KYNU: variants seen among roughly 807,000 people sequenced by gnomAD.
The protein encoded by KYNU is kynureninase, also known as L-kynurenine hydrolase.
KYNU carries 54 observed loss-of-function variants against 59.2 expected under a neutral mutation model. The ratio of observed to expected loss-of-function variants is 0.91; its 90% CI spans 0.73 to 1.14. The LOEUF is 1.14. Ranked by LOEUF, KYNU falls within the 50% of genes most tolerant of loss-of-function variation. KYNU has a pLI of 0.00. For synonymous variants in KYNU, 177 were observed against 192.0 expected, an observed-to-expected ratio of 0.92 and a Z score of 0.65; for missense variants, 567 against 554.4, an observed-to-expected ratio of 1.02 and a Z score of -0.23.
At chr2:142,958,737 G>A (rs1684246743) in intron 7 of KYNU, among the ~76,000 whole-genome samples, 1 of 152,138 alleles carries the variant, frequency 6.6e-6, no homozygotes, top group African/African-American at 2.4e-5. Context: ...GACCACTGTT[G>A]AGCATTACCT....
intron 8 of KYNU, among the ~76,000 whole-genome samples, chr2:142,970,068 T>C (rs765772610): frequency 2.7e-4 from 41 of 152,284 alleles, no homozygotes; most frequent in African/African-American, 9.4e-4. Flanking sequence ...AAAATGGAAT[T>C]CCAAAAGATC....
At chr2:142,900,755 G>C (rs1369980447) in intron 2 of KYNU, among the ~76,000 whole-genome samples, 2 of 152,160 alleles carry the variant, frequency 1.3e-5, no homozygotes, top group African/African-American at 4.8e-5. Context: ...ACTGCTTCCT[G>C]CTGAATTGGG....
In KYNU at chr2:143,040,458, C is replaced by G; in HGVS notation, c.1072C>G (p.Arg358Gly). Residue 358 changes from arginine to glycine, a missense_variant, in exon 13 of 14, where the codon CGG becomes GGG. Physicochemically the swap from Arg to Gly is moderately radical, Grantham distance 125. Transcript: ENST00000264170. ...TAAGCAAGCGACAATGAAGGCATTG[C>G]GGAAAAAATCTGTTTTGCTAACTGG... ...IFKQATMKAL[R>G]KKSVLLTGYL... is the part of the protein sequence containing the mutation. The G allele has an allele frequency of 6.2e-7, 1 of 1,612,640 alleles. No homozygotes were observed. The highest frequency in any genetic ancestry group is 8.5e-7 in the Non-Finnish European group (1 of 1,179,058).
chr2:142,933,279 G>T (rs1268310958), intron 4 of KYNU, among the ~76,000 whole-genome samples: 1 of 152,152 alleles, frequency 6.6e-6, no homozygotes, highest in African/African-American at 2.4e-5. Flanking sequence ...ACTCTATGCT[G>T]TTGGTCAGTA....
intron 10 of KYNU, among the ~76,000 whole-genome samples, chr2:143,007,112 C>G (rs1191862862): frequency 6.6e-6 from 1 of 151,948 alleles, no homozygotes; most frequent in African/African-American, 2.4e-5. Flanking sequence ...TTACTCTGAG[C>G]TATGGGAGGA....
intron 4 of KYNU, among the ~76,000 whole-genome samples, chr2:142,945,718 A>T (rs1199890463): frequency 1.3e-5 from 2 of 151,200 alleles, no homozygotes; most frequent in African/African-American, 4.9e-5. Flanking sequence ...CAATATCCTC[A>T]CAAAATGCTT....
At chr2:142,925,341 C>A (rs919667183) in intron 3 of KYNU, among the ~76,000 whole-genome samples, 10 of 152,066 alleles carry the variant, frequency 6.6e-5, no homozygotes, top group African/African-American at 2.2e-4. Flanking sequence ...TTCTTAGCAG[C>A]CTATGTTTAT....
chr2:142,976,145 G>T (rs1684872927), intron 8 of KYNU, among the ~76,000 whole-genome samples: 1 of 152,186 alleles, frequency 6.6e-6, no homozygotes, highest in African/African-American at 2.4e-5. Flanking sequence ...GAGAGGCAAG[G>T]GGTGGAGGGA....
intron 10 of KYNU, among the ~76,000 whole-genome samples, chr2:142,991,944 C>G (rs773094623): frequency 1.3e-5 from 2 of 151,922 alleles, no homozygotes; most frequent in Middle Eastern, 3.2e-3. Context: ...CTAATAAACT[C>G]CCTGCTTGTA....
At chr2:142,936,382 T>C (rs894016404) in intron 4 of KYNU, among the ~76,000 whole-genome samples, 3 of 152,164 alleles carry the variant, frequency 2.0e-5, no homozygotes, top group Non-Finnish European at 4.4e-5. Flanking sequence ...AGGGTGGATA[T>C]CTTGTCTGAG....
chr2:143,029,463 G>A (rs1282806892), intron 10 of KYNU, among the ~76,000 whole-genome samples, 164 bp from the exon 11 acceptor site: 1 of 152,132 alleles, frequency 6.6e-6, no homozygotes, highest in African/African-American at 2.4e-5. Context: ...GTGCATGCTT[G>A]TAGTCTCAGC....
intron 2 of KYNU, among the ~76,000 whole-genome samples, chr2:142,894,693 T>A (rs1681812796): frequency 6.6e-6 from 1 of 152,226 alleles, no homozygotes; most frequent in Non-Finnish European, 1.5e-5. Context: ...ATATGTTTAA[T>A]AGAAAATAGG....
chr2:143,022,666 T>C (rs1487382910), intron 10 of KYNU, among the ~76,000 whole-genome samples: 1 of 151,976 alleles, frequency 6.6e-6, no homozygotes, highest in East Asian at 1.9e-4. Flanking sequence ...GATGTTTAAG[T>C]CTTTTCTCTA....
chr2:143,043,255 T>A lies in KYNU; in HGVS notation c.*1083T>A, dbSNP rs1687105102. 1 of 152,028 alleles carries A rather than the reference T, an allele frequency of 6.6e-6. No individual in the cohort carries two copies. Among genetic ancestry groups the A allele is most frequent in the South Asian group, 2.1e-4 (1 of 4,828 alleles). The allele number at this position is 152,028 out of a possible 1,614,324, so 9.4% of individuals were successfully genotyped here. On this transcript the variant is annotated 3_prime_UTR_variant, in exon 14 of 14. Transcript: ENST00000264170. ...GAAATATGTGCTCCATCTCTTGACA[T>A]CTTTATCTCAAATCTATGGACCTTT... is the stretch of plus-strand genomic sequence containing the variant.
chr2:142,954,891 A>G lies in KYNU; in HGVS notation c.435+20A>G. The G allele has an allele frequency of 7.0e-7, 1 of 1,431,812 alleles. No individual in the cohort carries two copies. Among genetic ancestry groups the G allele is most frequent in the Non-Finnish European group, 9.9e-7 (1 of 1,014,468 alleles). The allele number at this position is 1,431,812 out of a possible 1,614,324, so 88.7% of individuals were successfully genotyped here. On this transcript the variant is annotated intron_variant, in intron 5 of 13. Transcript: ENST00000264170. ...CTAATGGTAAGTTTTCTTTCCCACT[A>G]ATGTTTAGAACACATTCATTTACAG... is the stretch of plus-strand genomic sequence containing the variant.
rs192330585 is a variant in KYNU at position 142,907,544 on chromosome 2, G to C, written c.170-11065G>C. Among the ~76,000 whole-genome samples, 273 of 152,314 alleles carry C rather than the reference G, an allele frequency of 1.8e-3. 3 individuals are homozygous for C. The highest frequency in any genetic ancestry group is 3.1e-3 in the Non-Finnish European group (210 of 68,030). On this transcript the variant is annotated intron_variant, in intron 2 of 13. Coordinates refer to ENST00000264170, the MANE Select transcript of KYNU (RefSeq NM_003937.3). ...GATGGTGAGCGAAAGCTCAGCTCAA[G>C]CCGTAACAAATACGGACAAGAAGAG... is the stretch of plus-strand genomic sequence containing the variant.
At chr2:142,944,673 T>A (rs13025028) in intron 4 of KYNU, among the ~76,000 whole-genome samples, 28,024 of 150,152 alleles carry the variant, frequency 0.19, 3,468 homozygotes, top group African/African-American at 0.35. Context: ...GGTTAACTTT[T>A]AAAAAAAAAA....
chr2:142,978,923 A>T (rs1013827966), intron 8 of KYNU, among the ~76,000 whole-genome samples: 1 of 152,144 alleles, frequency 6.6e-6, no homozygotes, highest in African/African-American at 2.4e-5. Context: ...AATCAATTTG[A>T]TACCAAATCA....
At chr2:142,899,703 T>A (rs562421843) in intron 2 of KYNU, among the ~76,000 whole-genome samples, 2 of 152,244 alleles carry the variant, frequency 1.3e-5, no homozygotes, top group Admixed American at 1.3e-4. Flanking sequence ...TGGGGCTCCA[T>A]TTGAAGAATG....
Sources: allele counts gnomAD v4.1 joint callset (sites outside exome capture counted in the v4.1 genomes callset), GRCh38; gene constraint gnomAD v4.1.1; transcripts MANE v1.5; gene names NCBI Gene and HGNC (gene_info 2026-07-23, HGNC 2026-07-21).